Variants in GLI2 observed in about 807,000 individuals in gnomAD.
The protein encoded by GLI2 is transcription activator GLI2.
A neutral mutation model predicts 78.9 loss-of-function variants in GLI2; 22 were observed. The ratio of observed to expected loss-of-function variants is 0.28; its 90% CI spans 0.20 to 0.40. The LOEUF (loss-of-function observed/expected upper bound fraction) is 0.40. Among genes scored for constraint, GLI2 ranks in the 10% least tolerant of loss-of-function variants. The probability of loss-of-function intolerance (pLI) is 1.00; values close to 1 mark genes in which losing one functional copy is unlikely to be tolerated. For missense variants in GLI2, 2,097 were observed against 2,213.2 expected (o/e 0.95, Z 1.05); for synonymous variants, 974 against 963.7 (o/e 1.01, Z -0.20).
intron 2 of GLI2, among the ~76,000 whole-genome samples, chr2:120,913,610 A>C (rs1490493693): frequency 2.6e-5 from 4 of 152,216 alleles, no homozygotes; most frequent in Non-Finnish European, 4.4e-5. Context: ...CCTTTGAGTA[A>C]CATAATTATT....
chr2:120,943,913 A>G (rs933242267), intron 3 of GLI2, among the ~76,000 whole-genome samples: 1 of 151,924 alleles, frequency 6.6e-6, no homozygotes, highest in Non-Finnish European at 1.5e-5. Context: ...CCTTTCTCTC[A>G]CACCTTAAGG....
intron 2 of GLI2, among the ~76,000 whole-genome samples, chr2:120,871,565 G>A (rs1465961752): frequency 2.6e-5 from 4 of 152,288 alleles, no homozygotes; most frequent in African/African-American, 9.6e-5. Context: ...GCTAATCATG[G>A]GCTGATCTGT....
chr2:120,951,337 GC>G lies in GLI2; in HGVS notation c.355del (p.His119ThrfsTer4). On this transcript the variant is annotated frameshift_variant, in exon 4 of 14. Transcript: ENST00000361492. LOFTEE classifies it high-confidence loss of function. ...TGGCCCTGGGGAGTCCCCCTTCAAC[GC>G]CCCCCACCCGTACGTGAACCCCCAC... ...PAGPGESPFNAPHPYVNPHME... is the reference protein window; with the variant it reads ...PAGPGESPFNXPHPYVNPHME... The G allele has an allele frequency of 3.2e-6, 5 of 1,573,008 alleles. No individual in the cohort carries two copies. The highest frequency in any genetic ancestry group is 1.3e-5 in the African/African-American group (1 of 74,254).
chr2:120,827,674 G>A (rs78004929), intron 2 of GLI2, among the ~76,000 whole-genome samples: 2,434 of 152,338 alleles, frequency 0.016, 70 homozygotes, highest in African/African-American at 0.054. Flanking sequence ...ACAAAATGTG[G>A]TGCGTGATAC....
intron 2 of GLI2, among the ~76,000 whole-genome samples, chr2:120,829,316 A>G (rs1207378276): frequency 2.6e-5 from 4 of 152,234 alleles, no homozygotes; most frequent in African/African-American, 9.6e-5. Flanking sequence ...CATCATTTAC[A>G]GAGTGGGCGC....
At chr2:120,755,390 A>G (rs62150666) in intron 1 of GLI2, among the ~76,000 whole-genome samples, 30,531 of 152,030 alleles carry the variant, frequency 0.2, 3,723 homozygotes, top group Non-Finnish European at 0.27. Context: ...TGCCACCTGT[A>G]TATTGTCTCT....
intron 1 of GLI2, among the ~76,000 whole-genome samples, chr2:120,741,904 A>G (rs1054591775): frequency 1.3e-5 from 2 of 152,030 alleles, no homozygotes; most frequent in African/African-American, 4.8e-5. Context: ...AAGAAAGCCA[A>G]CGGGCCAGGT....
rs567572627 is a variant in GLI2, at chr2:120,962,038, C to T, written c.643+6608C>T. 5.3e-5 allele frequency among the ~76,000 whole-genome samples: 8 copies of T among 152,308 alleles called. No individual in the cohort carries two copies. The South Asian group carries it at 1.7e-3, about 32-fold the overall frequency. On this transcript the variant is annotated intron_variant, in intron 5 of 13. Transcript: ENST00000361492. ...ACACAGGCCGTGGGGGGATCCCCAG[C>T]CCCGATTCCATGCAAGTCCACCCAC...
At chr2:120,813,300 G>C (rs1685344244) in intron 2 of GLI2, among the ~76,000 whole-genome samples, 1 of 152,248 alleles carries the variant, frequency 6.6e-6, no homozygotes, top group Non-Finnish European at 1.5e-5. Flanking sequence ...CTTTGGGGAA[G>C]AAGGGAAGGC....
chr2:120,984,621 G>C lies in GLI2; in HGVS notation c.1783G>C (p.Glu595Gln). The change falls in exon 12 of 14, where the codon GAG becomes CAG. Residue 595 changes from glutamate to glutamine, a missense_variant. Glu to Gln is a conservative substitution (Grantham distance 29). Around this residue, in one of 5 missense-constraint regions of GLI2, gnomAD observed 57 missense variants for 44.5 expected, o/e 1.28. Transcript: ENST00000361492. Reference protein sequence around the residue: ...DVHLRTPLLKENGDSEAGTEP... With the variant: ...DVHLRTPLLKQNGDSEAGTEP... ...GCACCTCCGCACACCGCTGCTCAAAGAGAATGGGGACAGTGAGGCCGGCAC... is the reference window on the plus strand; with the variant it reads ...GCACCTCCGCACACCGCTGCTCAAACAGAATGGGGACAGTGAGGCCGGCAC... 2 of 1,614,238 alleles carry C rather than the reference G, an allele frequency of 1.2e-6. No individual in the cohort carries two copies. The highest frequency in any genetic ancestry group is 1.7e-6 in the Non-Finnish European group (2 of 1,180,044).
chr2:120,856,987 C>G (rs753613046), intron 2 of GLI2, among the ~76,000 whole-genome samples: 1 of 151,996 alleles, frequency 6.6e-6, no homozygotes, highest in Admixed American at 6.6e-5. Context: ...AGGTGTGGGC[C>G]GGGGCTTATG....
chr2:120,890,611 A>T (rs575617388), intron 2 of GLI2, among the ~76,000 whole-genome samples: 15 of 152,210 alleles, frequency 9.9e-5, no homozygotes, highest in African/African-American at 3.1e-4. Flanking sequence ...TGATTGGGGA[A>T]ATCTAGGTAA....
At chr2:120,935,047 C>T (rs1049123219) in intron 3 of GLI2, among the ~76,000 whole-genome samples, 2 of 152,294 alleles carry the variant, frequency 1.3e-5, no homozygotes, top group East Asian at 1.9e-4. Flanking sequence ...GCACAGCACC[C>T]GAGGTTCACG....
At position 120,840,194 on chromosome 2, in the gene GLI2, A is replaced by T. The variant is rs183970736; in HGVS notation, c.148+42726A>T. 1.8e-4 allele frequency among the ~76,000 whole-genome samples: 28 copies of T among 152,302 alleles called. 1 individual carries two copies. The highest frequency in any genetic ancestry group is 1.8e-3 in the Admixed American group (28 of 15,300). On this transcript the variant is annotated intron_variant, in intron 2 of 13. Transcript: ENST00000361492. ...CCACGTCTTTGTACAGTTTTGAAAA[A>T]TTTCCACCAACCATCTCTTCAAATT...
In GLI2 at chr2:120,872,239, C is replaced by G. The variant is rs73949948; in HGVS notation, c.149-55122C>G. Among the ~76,000 whole-genome samples the G allele has an allele frequency of 1.9e-4, 29 of 152,322 alleles. 1 individual carries two copies. Among genetic ancestry groups the G allele is most frequent in the African/African-American group, 6.7e-4 (28 of 41,568 alleles). ...TCCAGAGTGGCCCCTAAGCCATGAA[C>G]TCACTTTCAAGGTATTGGCAGTTTA... On this transcript the variant is annotated intron_variant, in intron 2 of 13. Transcript: ENST00000361492.
intron 2 of GLI2, among the ~76,000 whole-genome samples, chr2:120,910,346 G>A (rs1444620565): frequency 6.6e-6 from 1 of 152,174 alleles, no homozygotes; most frequent in Non-Finnish European, 1.5e-5. Context: ...ATGCAAATGG[G>A]GGAGGGATGG....
At chr2:120,986,101 C>T (rs1257719358) in intron 12 of GLI2, among the ~76,000 whole-genome samples, 177 bp from the exon 13 acceptor site, 2 of 152,262 alleles carry the variant, frequency 1.3e-5, no homozygotes, top group African/African-American at 4.8e-5. Context: ...AGTGACTTGA[C>T]CGTTTTAAGC....
intron 1 of GLI2, among the ~76,000 whole-genome samples, chr2:120,760,637 C>T (rs1435305277): frequency 5.9e-5 from 9 of 152,170 alleles, no homozygotes; most frequent in Non-Finnish European, 1.5e-5. Flanking sequence ...TCTGCCTGCC[C>T]GCATGCTTGG....
rs888644022 is a variant in GLI2 at position 120,809,681 on chromosome 2, C to T, written c.148+12213C>T. Among the ~76,000 whole-genome samples the T allele has an allele frequency of 6.6e-5, 10 of 152,304 alleles. No individual in the cohort carries two copies. The South Asian group carries it at 8.3e-4, about 13-fold the overall frequency. ...TGGGATCTCCAAGTGCCTTGTGCAC[C>T]GCTACCCCTCAGGGAGGACCCTGCT... On this transcript the variant is annotated intron_variant, in intron 2 of 13. Coordinates refer to ENST00000361492, the MANE Select transcript of GLI2 (RefSeq NM_001374353.1).
Sources: allele counts gnomAD v4.1 joint callset (sites outside exome capture counted in the v4.1 genomes callset), GRCh38; gene constraint gnomAD v4.1.1; regional missense constraint gnomAD v4.1.1; transcripts MANE v1.5; gene names NCBI Gene and HGNC (gene_info 2026-07-23, HGNC 2026-07-21).